The following SMYD1 variants were observed in gnomAD, a reference collection of about 807,000 sequenced individuals.
SMYD1 encodes the protein histone-lysine N-methyltransferase SMYD1.
A neutral mutation model predicts 54.0 loss-of-function variants in SMYD1; 49 were observed. The ratio of observed to expected loss-of-function variants is 0.91; its 90% CI spans 0.72 to 1.15. The LOEUF is 1.15. SMYD1 is among the 50% of genes most tolerant of loss of function. The pLI, the probability that SMYD1 is intolerant of heterozygous loss-of-function variation, is 0.00. For missense variants in SMYD1, 653 were observed against 639.6 expected (o/e 1.02, Z -0.23); for synonymous variants, 269 against 234.2 (o/e 1.15, Z -1.36).
chr2:88,112,299 T>G lies in SMYD1; in HGVS notation c.*1787T>G. On this transcript the variant is annotated 3_prime_UTR_variant, in exon 10 of 10. Coordinates refer to ENST00000419482, the MANE Select transcript of SMYD1 (RefSeq NM_198274.4). Reference sequence around the variant, plus strand: ...CCTGGTCATTTCCCCATATTCGTAGTCTTTTTTTCCATCCTATCTTTCTAA... The same window carrying G: ...CCTGGTCATTTCCCCATATTCGTAGGCTTTTTTTCCATCCTATCTTTCTAA... The G allele has an allele frequency of 1.6e-6, 1 of 613,720 alleles. No homozygotes were observed. 38.0% of individuals were successfully genotyped at this position (613,720 alleles called of 1,614,324 possible).
chr2:88,080,158 C>T (rs1007510264), intron 1 of SMYD1, among the ~76,000 whole-genome samples: 1 of 152,080 alleles, frequency 6.6e-6, no homozygotes, highest in Non-Finnish European at 1.5e-5. Context: ...GTCTCCAATC[C>T]TTGTGATACC....
At chr2:88,085,078 C>T (rs1674292122) in intron 2 of SMYD1, among the ~76,000 whole-genome samples, 1 of 151,762 alleles carries the variant, frequency 6.6e-6, no homozygotes, top group African/African-American at 2.4e-5. Context: ...AATTGATCCA[C>T]CAATGTTTAA....
chr2:88,075,339 G>A (rs779377584), intron 1 of SMYD1, among the ~76,000 whole-genome samples: 5 of 152,158 alleles, frequency 3.3e-5, no homozygotes, highest in Admixed American at 6.5e-5. Flanking sequence ...TTACCCACTC[G>A]CATCCCAGGA....
chr2:88,074,813 T>G (rs1238053748), intron 1 of SMYD1, among the ~76,000 whole-genome samples: 1 of 152,214 alleles, frequency 6.6e-6, no homozygotes, highest in Non-Finnish European at 1.5e-5. Flanking sequence ...AATAAATTAC[T>G]GTCAACCAGG....
intron 7 of SMYD1, among the ~76,000 whole-genome samples, 178 bp from the exon 8 acceptor site, chr2:88,106,147 C>A (rs1028479219): frequency 6.6e-6 from 1 of 152,156 alleles, no homozygotes; most frequent in Non-Finnish European, 1.5e-5. Flanking sequence ...ATTCTTACAC[C>A]TTAGCCAACA....
chr2:88,094,769 A>T (rs920524963), intron 5 of SMYD1, among the ~76,000 whole-genome samples: 1 of 152,146 alleles, frequency 6.6e-6, no homozygotes, highest in African/African-American at 2.4e-5. Context: ...CCACTGATTC[A>T]CTGTTGCATT....
chr2:88,085,068 A>C (rs1214120883), intron 2 of SMYD1, among the ~76,000 whole-genome samples: 1 of 152,152 alleles, frequency 6.6e-6, no homozygotes. Flanking sequence ...AGTATTTTTA[A>C]ATTGATCCAC....
intron 5 of SMYD1, 73 bp downstream of exon 5, chr2:88,093,628 C>A: frequency 6.4e-7 from 1 of 1,558,378 alleles, no homozygotes; most frequent in South Asian, 1.1e-5. Context: ...CTGGGGCCAC[C>A]CATTCCCGAG....
intron 1 of SMYD1, among the ~76,000 whole-genome samples, chr2:88,075,534 C>CTTTTTTTTT (rs35091980): frequency 9.7e-6 from 1 of 103,580 alleles, no homozygotes; most frequent in African/African-American, 3.5e-5. Context: ...CCTTTTAATT[C>CTTTTTTTTT]TTTTTTTTTT....
chr2:88,107,509 C>T (rs1674906503), intron 8 of SMYD1, among the ~76,000 whole-genome samples: 4 of 152,212 alleles, frequency 2.6e-5, no homozygotes, highest in Admixed American at 2.6e-4. Context: ...CTCCCAAATG[C>T]TGTGAGCTTC....
intron 8 of SMYD1, 110 bp downstream of exon 8, chr2:88,106,598 G>A (rs1674876765): frequency 8.8e-7 from 1 of 1,141,108 alleles, no homozygotes; most frequent in Non-Finnish European, 1.3e-6. Context: ...CCCACAGCAG[G>A]CGTCAGTAAT....
chr2:88,104,797 A>G (rs903380502), intron 7 of SMYD1, among the ~76,000 whole-genome samples: 1 of 152,226 alleles, frequency 6.6e-6, no homozygotes, highest in African/African-American at 2.4e-5. Context: ...AACACCTAAA[A>G]TCTAGAGACC....
intron 6 of SMYD1, among the ~76,000 whole-genome samples, chr2:88,099,195 TC>T: frequency 6.6e-6 from 1 of 152,270 alleles, no homozygotes; most frequent in East Asian, 2.0e-4. Flanking sequence ...CCAGCGATTC[TC>T]CTGCCTTAGG....
At position 88,088,087 on chromosome 2, in the gene SMYD1, G is replaced by A. The variant is rs776731411; in HGVS notation, c.528+12G>A. 9.4e-6 allele frequency: 15 copies of A among 1,603,036 alleles called. No individual in the cohort carries two copies. The South Asian group carries it at 1.7e-4, about 18-fold the overall frequency. On this transcript the variant is annotated intron_variant, in intron 3 of 9. Transcript: ENST00000419482. ...ACATCTTCGGAGTGGTAGGCCCCCT[G>A]CGTCCCTTCTCCATCCTCCCTGTCT...
chr2:88,083,868 G>A (rs1319011143), intron 1 of SMYD1, among the ~76,000 whole-genome samples: 3 of 152,124 alleles, frequency 2.0e-5, no homozygotes, highest in East Asian at 1.9e-4. Context: ...AGGCTGAGGC[G>A]GGTGGATCAC....
intron 1 of SMYD1, among the ~76,000 whole-genome samples, chr2:88,076,787 G>A (rs1487202065): frequency 3.9e-5 from 6 of 152,214 alleles, no homozygotes; most frequent in African/African-American, 1.4e-4. Context: ...CAGGCGGATC[G>A]CTTGAGCTCA....
chr2:88,082,219 C>A (rs1218042526), intron 1 of SMYD1, among the ~76,000 whole-genome samples: 1 of 152,170 alleles, frequency 6.6e-6, no homozygotes, highest in Non-Finnish European at 1.5e-5. Context: ...CTACTCCTTG[C>A]TCACTAGGAA....
chr2:88,076,376 A>G (rs936235600), intron 1 of SMYD1, among the ~76,000 whole-genome samples: 6 of 151,910 alleles, frequency 3.9e-5, no homozygotes, highest in African/African-American at 1.2e-4. Context: ...CACCACGCCC[A>G]GCTAATTGTT....
At chr2:88,106,291 A>G in intron 7 of SMYD1, 34 bp from the exon 8 acceptor site, 3 of 1,608,700 alleles carry the variant, frequency 1.9e-6, no homozygotes, top group Non-Finnish European at 2.6e-6. Flanking sequence ...GCTCTGGTGC[A>G]ATGGTAATGG....
Sources: gnomAD v4.1 joint callset for allele counts (sites outside exome capture counted in the v4.1 genomes callset) on GRCh38, gnomAD v4.1.1 for gene constraint, MANE v1.5 for transcripts, NCBI Gene and HGNC (gene_info 2026-07-23, HGNC 2026-07-21) for gene names.